Variants in RELN observed in about 807,000 individuals in gnomAD.
The protein encoded by RELN is reelin.
Under a neutral mutation model 427.6 loss-of-function variants are expected in RELN, and 108 were observed. The observed-to-expected ratio is 0.25, with a 90% CI of 0.22 to 0.30. RELN has a LOEUF of 0.30. Among genes scored for constraint, RELN ranks in the 10% least tolerant of loss-of-function variants. The pLI is 1.00. For synonymous variants in RELN, 1,524 were observed against 1,513.4 expected (o/e 1.01, Z -0.16); for missense variants, 3,715 against 4,302.8 (o/e 0.86, Z 3.82).
chr7:103,770,441 A>G (rs558552452), intron 4 of RELN, among the ~76,000 whole-genome samples: 25 of 152,194 alleles, frequency 1.6e-4, no homozygotes, highest in African/African-American at 6.0e-4. Flanking sequence ...GAGATGCCCC[A>G]TGGTTCCCCC....
intron 4 of RELN, among the ~76,000 whole-genome samples, chr7:103,759,728 G>C (rs1420545582): frequency 6.6e-6 from 1 of 152,054 alleles, no homozygotes; most frequent in East Asian, 1.9e-4. Flanking sequence ...TGTATTGCTT[G>C]TCATTAGACA....
intron 1 of RELN, among the ~76,000 whole-genome samples, chr7:103,945,125 CA>C (rs1248733415): frequency 1.3e-4 from 20 of 152,254 alleles, no homozygotes; most frequent in African/African-American, 4.8e-4. Flanking sequence ...CTACAAATAG[CA>C]AGAGTCTCTG....
chr7:103,776,070 T>C (rs1456113382), intron 4 of RELN, among the ~76,000 whole-genome samples: 1 of 152,224 alleles, frequency 6.6e-6, no homozygotes, highest in Non-Finnish European at 1.5e-5. Context: ...TCTGACATTA[T>C]GTAAAATTTA....
At chr7:103,524,395 C>T (rs78497180) in intron 46 of RELN, among the ~76,000 whole-genome samples, 5 of 75,596 alleles carry the variant, frequency 6.6e-5, no homozygotes, top group African/African-American at 6.0e-4. Flanking sequence ...GATATAAAAG[C>T]GATATAAGTA....
At chr7:103,610,849 T>C in intron 21 of RELN, 42 bp from the exon 22 acceptor site, 1 of 1,157,754 alleles carries the variant, frequency 8.6e-7, no homozygotes, top group South Asian at 1.2e-5. Context: ...GCTTCTGTTT[T>C]CCTCAGGTGA....
intron 2 of RELN, among the ~76,000 whole-genome samples, chr7:103,872,890 C>T (rs1416232893): frequency 1.9e-4 from 28 of 151,160 alleles, no homozygotes; most frequent in South Asian, 1.7e-3. Context: ...TCATGTCCTT[C>T]GCCCACTTTT....
At chr7:103,748,139 G>GT (rs11307252) in intron 6 of RELN, among the ~76,000 whole-genome samples, 19,979 of 134,972 alleles carry the variant, frequency 0.15, 1,455 homozygotes, top group Middle Eastern at 0.3. Flanking sequence ...ACTTAGAAAG[G>GT]TTTTTTTTTT....
At chr7:103,583,483 T>C (rs572239683) in intron 28 of RELN, among the ~76,000 whole-genome samples, 56 of 152,344 alleles carry the variant, frequency 3.7e-4, no homozygotes, top group African/African-American at 1.3e-3. Context: ...TGCAAATTTG[T>C]TTCCTCACAA....
Position 103,776,575 on chromosome 7 carries a change from G to C in RELN, c.526C>G (p.Gln176Glu). 6.2e-7 allele frequency: 1 copy of C among 1,614,058 alleles called. No homozygotes were observed. The highest frequency in any genetic ancestry group is 8.5e-7 in the Non-Finnish European group (1 of 1,179,960). Residue 176 changes from glutamine to glutamate, a missense_variant, in exon 4 of 65, where the codon CAG becomes GAG. Around this residue, in one of 4 missense-constraint regions of RELN, gnomAD observed 2,208 missense variants for 2,361.7 expected, o/e 0.93. Coordinates refer to ENST00000428762, the MANE Select transcript of RELN (RefSeq NM_005045.4). ...CGCTTACCTCCTTGTTCACACAACTGCTGGGCTAAAGCATCTTTGAAAATA... is the reference window on the plus strand; with the variant it reads ...CGCTTACCTCCTTGTTCACACAACTCCTGGGCTAAAGCATCTTTGAAAATA... ...QVIFKDALAQ[Q>E]LCEQGAPTDV...
Position 103,975,515 on chromosome 7 carries a change from G to GTTTTTATTTATTTATT in RELN, c.226+13615_226+13616insAATAAATAAATAAAAA, listed in dbSNP as rs35356053. Among the ~76,000 whole-genome samples the GTTTTTATTTATTTATT allele has an allele frequency of 6.4e-3, 906 of 141,876 alleles. 16 individuals are homozygous for GTTTTTATTTATTTATT. The highest frequency in any genetic ancestry group is 0.013 in the African/African-American group (484 of 38,050). The allele number at this position is 141,876 out of a possible 152,430, so 93.1% of individuals were successfully genotyped here. A position where few individuals can be genotyped will look rare whatever the true frequency, so the allele number is the denominator to read the frequency against. On this transcript the variant is annotated intron_variant, in intron 1 of 64. Transcript: ENST00000428762. ...TATGGGTCCTGGGAAGAATGGAGCA[G>GTTTTTATTTATTTATT]TATTTATTTATTTATTTATTTATTT...
chr7:103,651,007 T>C (rs1584377293), intron 15 of RELN, among the ~76,000 whole-genome samples: 2 of 152,112 alleles, frequency 1.3e-5, no homozygotes, highest in Non-Finnish European at 2.9e-5. Flanking sequence ...ACCTTAGATA[T>C]TATCTTATGC....
chr7:103,644,436 C>A (rs1832756278), intron 16 of RELN, among the ~76,000 whole-genome samples: 1 of 148,240 alleles, frequency 6.7e-6, no homozygotes, highest in Admixed American at 6.7e-5. Context: ...AAACCCAAAC[C>A]CCAAACAAAA....
At chr7:103,805,129 C>T (rs1792565754) in intron 3 of RELN, among the ~76,000 whole-genome samples, 2 of 151,782 alleles carry the variant, frequency 1.3e-5, no homozygotes, top group Admixed American at 6.6e-5. Flanking sequence ...GATTTTGCCA[C>T]TAACAATCTG....
At chr7:103,482,680 A>G (rs1828283632) in intron 63 of RELN, 193 bp downstream of exon 63, 1 of 733,840 alleles carries the variant, frequency 1.4e-6, no homozygotes, top group South Asian at 6.2e-5. Flanking sequence ...GGTACATTAC[A>G]TTTCATTCGG....
chr7:103,494,394 G>GTGTGTGTGTGTGTGTGTGTGTGTGA lies in RELN; in HGVS notation c.9369+1328_9369+1329insTCACACACACACACACACACACACA, dbSNP rs774896895. ...GTGTGTGTGTGTGTGTGTGTGTGTG[G>GTGTGTGTGTGTGTGTGTGTGTGTGA]GATATGGTCTTGTTCTGTTGCCCTA... is the stretch of plus-strand genomic sequence containing the variant. On this transcript the variant is annotated intron_variant, in intron 57 of 64. Coordinates refer to ENST00000428762, the MANE Select transcript of RELN (RefSeq NM_005045.4). 1.1e-4 allele frequency among the ~76,000 whole-genome samples: 15 copies of GTGTGTGTGTGTGTGTGTGTGTGTGA among 134,450 alleles called. 1 individual carries two copies. In the South Asian group the frequency reaches 1.2e-3, roughly 11 times the overall value. The allele number at this position is 134,450 out of a possible 152,430, so 88.2% of individuals were successfully genotyped here.
chr7:103,802,914 C>T (rs1258098101), intron 3 of RELN, among the ~76,000 whole-genome samples: 1 of 152,130 alleles, frequency 6.6e-6, no homozygotes, highest in African/African-American at 2.4e-5. Flanking sequence ...AGAATGCCAG[C>T]AACTTTTTCA....
rs1830151304 is a variant in RELN, at chr7:103,540,362, G to A, written c.6765C>T (p.Gly2255=). 25 of 1,613,988 alleles carry A rather than the reference G, an allele frequency of 1.5e-5. No individual in the cohort carries two copies. The highest frequency in any genetic ancestry group is 2.0e-5 in the Non-Finnish European group (24 of 1,180,012). ...PVLLQYSLNG[G]LSWSLLQEFL... is the part of the protein sequence containing the mutation. ...ACTCCTGAAGAAGACTCCACGAGAG[G>A]CCACCGTTGAGAGAATACTGTAGGA... The change falls in exon 44 of 65, where the codon GGC becomes GGT. Residue 2255 remains glycine, a synonymous_variant. Coordinates refer to ENST00000428762, the MANE Select transcript of RELN (RefSeq NM_005045.4).
intron 3 of RELN, among the ~76,000 whole-genome samples, chr7:103,808,275 G>T (rs565188276): frequency 1.3e-5 from 2 of 150,970 alleles, no homozygotes; most frequent in South Asian, 2.1e-4. Flanking sequence ...GTGTGGGGAG[G>T]GGGGAGGGAT....
At position 103,476,765 on chromosome 7, in the gene RELN, C is replaced by CAA. The variant is rs151208222; in HGVS notation, c.10286+1623_10286+1624insTT. 7.2e-3 allele frequency: 2,723 copies of CAA among 379,198 alleles called. 86 individuals are homozygous for CAA. Among genetic ancestry groups the CAA allele is most frequent in the African/African-American group, 0.052 (2,531 of 48,344 alleles). 23.5% of individuals were successfully genotyped at this position (379,198 alleles called of 1,614,324 possible). On this transcript the variant is annotated intron_variant, in intron 64 of 64. Coordinates refer to ENST00000428762, the MANE Select transcript of RELN (RefSeq NM_005045.4). The stretch of plus-strand genomic sequence containing the variant: ...CATTGGGAATTAGGGGAATTTTTAA[C>CAA]ATTTATCTTATATTTACTCATTTTT...
Sources: allele counts gnomAD v4.1 joint callset (sites outside exome capture counted in the v4.1 genomes callset), GRCh38; gene constraint gnomAD v4.1.1; regional missense constraint gnomAD v4.1.1; transcripts MANE v1.5; gene names NCBI Gene and HGNC (gene_info 2026-07-23, HGNC 2026-07-21).